Variants in RNF144A observed in about 807,000 individuals in gnomAD.
The protein encoded by RNF144A is E3 ubiquitin-protein ligase RNF144A.
In RNF144A, 11 loss-of-function variants were observed where a neutral mutation model predicts 38.7. That is an observed-to-expected ratio of 0.28 (90% CI 0.18 to 0.47). The LOEUF (loss-of-function observed/expected upper bound fraction) is 0.47, where lower values mean the gene tolerates loss of function less well. Ranked by LOEUF, RNF144A falls within the 20% of genes least tolerant of loss-of-function variation. RNF144A has a pLI of 0.99. For missense variants in RNF144A, 316 were observed against 377.2 expected (o/e 0.84, Z 1.34); for synonymous variants, 149 against 143.9 (o/e 1.04, Z -0.25).
At chr2:6,950,860 G>A (rs1002456881) in intron 2 of RNF144A, among the ~76,000 whole-genome samples, 1 of 151,896 alleles carries the variant, frequency 6.6e-6, no homozygotes, top group Non-Finnish European at 1.5e-5. Context: ...TTTTTTTATT[G>A]GATTGTATTT....
chr2:6,972,707 G>T lies in RNF144A; in HGVS notation c.-11-24209G>T, dbSNP rs561233736. 6.6e-5 allele frequency among the ~76,000 whole-genome samples: 10 copies of T among 152,316 alleles called. No individual in the cohort carries two copies. The South Asian group carries it at 1.9e-3, about 28-fold the overall frequency. On this transcript the variant is annotated intron_variant, in intron 2 of 8. Coordinates refer to ENST00000320892, the MANE Select transcript of RNF144A (RefSeq NM_014746.6). Reference sequence around the variant, plus strand: ...CTCAGGGTTGTGTTCCACCCTGGGGGTGCAGTGCATCCCAAGGAGTCCAAG... The same window carrying T: ...CTCAGGGTTGTGTTCCACCCTGGGGTTGCAGTGCATCCCAAGGAGTCCAAG...
intron 1 of RNF144A, among the ~76,000 whole-genome samples, chr2:6,924,302 G>C (rs1269280510): frequency 6.6e-6 from 1 of 152,220 alleles, no homozygotes; most frequent in Admixed American, 6.5e-5. Flanking sequence ...CGTGTTGCTG[G>C]GGGGCCCGAG....
At chr2:6,964,933 C>T (rs1317824095) in intron 2 of RNF144A, among the ~76,000 whole-genome samples, 1 of 151,958 alleles carries the variant, frequency 6.6e-6, no homozygotes, top group Non-Finnish European at 1.5e-5. Flanking sequence ...CTAACCTGCG[C>T]ATTGTGCACA....
At chr2:6,960,046 A>G (rs1667242343) in intron 2 of RNF144A, among the ~76,000 whole-genome samples, 2 of 152,226 alleles carry the variant, frequency 1.3e-5, no homozygotes, top group Admixed American at 1.3e-4. Flanking sequence ...CAGCACTCAC[A>G]TTCTGTGATT....
At chr2:7,048,410 T>C (rs1673390691), downstream of RNF144A, among the ~76,000 whole-genome samples, 1 of 152,218 alleles carries the variant, frequency 6.6e-6, no homozygotes, top group Non-Finnish European at 1.5e-5. Context: ...TTCTTCACTT[T>C]AGGCAAGAAA....
intron 6 of RNF144A, among the ~76,000 whole-genome samples, chr2:7,051,421 G>A (rs1673519272): frequency 6.6e-6 from 1 of 152,182 alleles, no homozygotes; most frequent in Non-Finnish European, 1.5e-5. Flanking sequence ...TAAGGTTGGT[G>A]CTGACACAAT....
At chr2:6,966,787 G>T (rs1572287753) in intron 2 of RNF144A, among the ~76,000 whole-genome samples, 1 of 152,172 alleles carries the variant, frequency 6.6e-6, no homozygotes, top group Admixed American at 6.5e-5. Flanking sequence ...GAAGTCCATA[G>T]TCAGGGCAGC....
intron 1 of RNF144A, among the ~76,000 whole-genome samples, chr2:6,934,390 T>C (rs1185381024): frequency 6.6e-6 from 1 of 152,228 alleles, no homozygotes; most frequent in Non-Finnish European, 1.5e-5. Flanking sequence ...TTAGAAGTAT[T>C]AATTCTTCAT....
chr2:6,926,789 C>T (rs1015339104), intron 1 of RNF144A, among the ~76,000 whole-genome samples: 1 of 152,328 alleles, frequency 6.6e-6, no homozygotes, highest in East Asian at 1.9e-4. Flanking sequence ...GAATATCTTA[C>T]TCTTTATTTC....
At chr2:7,025,691 A>G (rs1671845580) in intron 7 of RNF144A, among the ~76,000 whole-genome samples, 1 of 152,212 alleles carries the variant, frequency 6.6e-6, no homozygotes, top group Non-Finnish European at 1.5e-5. Context: ...AAATAAATAA[A>G]TAAATAAAAC....
At chr2:7,026,690 GTTTCC>G (rs1671924336) in intron 7 of RNF144A, among the ~76,000 whole-genome samples, 1 of 152,176 alleles carries the variant, frequency 6.6e-6, no homozygotes, top group Non-Finnish European at 1.5e-5. Flanking sequence ...CAGAAGTTTG[GTTTCC>G]CCAGGCTGCT....
intron 2 of RNF144A, among the ~76,000 whole-genome samples, chr2:6,965,184 A>G (rs1204820169): frequency 6.6e-6 from 1 of 152,208 alleles, no homozygotes; most frequent in African/African-American, 2.4e-5. Context: ...GATATTTACA[A>G]GAAATGTGAA....
In RNF144A at chr2:7,066,804, G is replaced by A. The variant is rs539931224; in HGVS notation, c.735-1412G>A. Among the ~76,000 whole-genome samples, 15 of 152,232 alleles carry A rather than the reference G, an allele frequency of 9.9e-5. No individual in the cohort carries two copies. In the South Asian group the frequency reaches 3.1e-3, roughly 32 times the overall value. On this transcript the variant is annotated intron_variant, in intron 6 of 6. Coordinates refer to the RNF144A transcript ENST00000432850. ...TTCCTGGCAGGCCTAGGAACCCCAGGATATTTTGGAGACCTATAAAAGGGA... is the reference window on the plus strand; with the variant it reads ...TTCCTGGCAGGCCTAGGAACCCCAGAATATTTTGGAGACCTATAAAAGGGA...
rs1239034464 is a variant in RNF144A, at chr2:6,962,503, G to A, written c.-12+21356G>A. Among the ~76,000 whole-genome samples, 1 of 152,148 alleles carries A rather than the reference G, an allele frequency of 6.6e-6. No individual in the cohort carries two copies. The highest frequency in any genetic ancestry group is 1.5e-5 in the Non-Finnish European group (1 of 68,016). Reference sequence around the variant, plus strand: ...TGCTTTTTGTTAGAAGGGAAGCTCTGCCGAGGACTCTTTTTGATCTCATAA... The same window carrying A: ...TGCTTTTTGTTAGAAGGGAAGCTCTACCGAGGACTCTTTTTGATCTCATAA... On this transcript the variant is annotated intron_variant, in intron 2 of 8. Transcript: ENST00000320892. This position sits in a 1 kb window ranked among gnomAD's most constrained non-coding sequence, Gnocchi z 4.1.
chr2:7,044,245 A>G (rs531327154), downstream of RNF144A: 8 of 911,774 alleles, frequency 8.8e-6, no homozygotes, highest in East Asian at 1.2e-4. Flanking sequence ...AAAATATTCT[A>G]TCTTCAGTCT....
chr2:7,021,485 C>A (rs915633630), intron 6 of RNF144A, among the ~76,000 whole-genome samples: 3 of 152,216 alleles, frequency 2.0e-5, no homozygotes, highest in Non-Finnish European at 4.4e-5. Context: ...CCACACACCC[C>A]TGGTCTCCTT....
At chr2:7,075,588 T>C in the RNF144A span, among the ~76,000 whole-genome samples, 1 of 152,202 alleles carries the variant, frequency 6.6e-6, no homozygotes, top group South Asian at 2.1e-4. Context: ...ACATTTGCTT[T>C]TTTAGTGATT....
At chr2:6,954,343 C>T (rs1005715562) in intron 2 of RNF144A, among the ~76,000 whole-genome samples, 3 of 151,874 alleles carry the variant, frequency 2.0e-5, no homozygotes, top group South Asian at 2.1e-4. Context: ...CTGATATTTT[C>T]CTGTGTGCAC....
At chr2:6,964,115 C>T (rs558339975) in intron 2 of RNF144A, among the ~76,000 whole-genome samples, 11 of 152,236 alleles carry the variant, frequency 7.2e-5, no homozygotes, top group African/African-American at 1.7e-4. Context: ...CAAGAGAACA[C>T]GTTGGCTTCC....
Sources: allele counts gnomAD v4.1 joint callset (sites outside exome capture counted in the v4.1 genomes callset), GRCh38; gene constraint gnomAD v4.1.1; non-coding constraint Gnocchi (gnomAD v3.1); transcripts MANE v1.5; gene names NCBI Gene and HGNC (gene_info 2026-07-23, HGNC 2026-07-21).